Variants in METTL24 observed in about 807,000 individuals in gnomAD.
METTL24 encodes the protein probable methyltransferase-like protein 24.
In METTL24, 29 loss-of-function variants were observed where a neutral mutation model predicts 32.7. The ratio of observed to expected loss-of-function variants is 0.89; its 90% CI spans 0.66 to 1.21. The LOEUF is 1.21. Ranked by LOEUF, METTL24 falls within the 50% of genes most tolerant of loss-of-function variation. The probability of loss-of-function intolerance (pLI) is 0.00; values close to 1 mark genes in which losing one functional copy is unlikely to be tolerated. For missense variants in METTL24, 439 were observed against 468.1 expected (o/e 0.94, Z 0.57); for synonymous variants, 163 against 179.5 (o/e 0.91, Z 0.73).
rs555141109 is a variant in METTL24, at chr6:110,349,466, A to C, written c.318+8489T>G. Among the ~76,000 whole-genome samples, 344 of 152,332 alleles carry C rather than the reference A, an allele frequency of 2.3e-3. 1 individual carries two copies. The Middle Eastern group carries it at 0.027, about 12-fold the overall frequency. On this transcript the variant is annotated intron_variant, in intron 1 of 4. Coordinates refer to ENST00000338882, the MANE Select transcript of METTL24 (RefSeq NM_001123364.3). ...CCCGCAACAGATATCTGGCACAAGC[A>C]AGAAATAAACCTCTGCTAGCATGAG...
intron 1 of METTL24, among the ~76,000 whole-genome samples, chr6:110,343,950 C>A (rs760757810): frequency 6.6e-6 from 1 of 152,010 alleles, no homozygotes; most frequent in African/African-American, 2.4e-5. Flanking sequence ...AAAGGTAAGC[C>A]CCATTATTAT....
At chr6:110,309,909 C>A (rs1362450289) in intron 3 of METTL24, among the ~76,000 whole-genome samples, 1 of 152,020 alleles carries the variant, frequency 6.6e-6, no homozygotes, top group Non-Finnish European at 1.5e-5. Context: ...AAAACCCTTT[C>A]CTCTTTTTAT....
chr6:110,288,995 C>T (rs1302094986), intron 4 of METTL24, among the ~76,000 whole-genome samples: 1 of 152,150 alleles, frequency 6.6e-6, no homozygotes, highest in East Asian at 1.9e-4. Flanking sequence ...GAGTGACACA[C>T]TCTAGCAAAT....
intron 3 of METTL24, among the ~76,000 whole-genome samples, chr6:110,315,079 G>A (rs9487373): frequency 0.024 from 3,709 of 151,872 alleles, 167 homozygotes; most frequent in African/African-American, 0.085. Context: ...GTTTCACCAA[G>A]AGGTTTATCC....
At chr6:110,334,489 C>T (rs1051106116) in intron 1 of METTL24, among the ~76,000 whole-genome samples, 3 of 152,130 alleles carry the variant, frequency 2.0e-5, no homozygotes, top group Non-Finnish European at 4.4e-5. Context: ...CAAAGCCTTT[C>T]TTGGAAACCA....
intron 4 of METTL24, among the ~76,000 whole-genome samples, chr6:110,293,586 C>T (rs981038209): frequency 2.0e-5 from 3 of 151,738 alleles, no homozygotes; most frequent in African/African-American, 4.8e-5. Context: ...ATTTATACTC[C>T]TAAATTTTTT....
At chr6:110,252,070 G>A (rs1385234163) in intron 4 of METTL24, among the ~76,000 whole-genome samples, 2 of 152,146 alleles carry the variant, frequency 1.3e-5, no homozygotes, top group East Asian at 3.8e-4. Context: ...CTTGGACCTG[G>A]GGGGCAGAGG....
At chr6:110,266,422 C>T in intron 4 of METTL24, among the ~76,000 whole-genome samples, 1 of 152,076 alleles carries the variant, frequency 6.6e-6, no homozygotes, top group East Asian at 1.9e-4. Flanking sequence ...GTTAAAGTTC[C>T]CACCTAAACG....
chr6:110,341,988 C>T (rs997864466), intron 1 of METTL24, among the ~76,000 whole-genome samples: 8 of 152,280 alleles, frequency 5.3e-5, no homozygotes, highest in East Asian at 1.9e-4. Context: ...GAGGTGACAA[C>T]AGTCATCTGA....
rs778038698 is a variant in METTL24 at position 110,315,502 on chromosome 6, T to C, written c.418-21A>G. 1.1e-5 allele frequency: 18 copies of C among 1,612,220 alleles called. No individual in the cohort carries two copies. The Middle Eastern group carries it at 4.9e-4, about 44-fold the overall frequency. ...GCAATCTGTAAAGATTGGAAATCAATGTGAATAATTTGAAATGTTGGATGA... is the reference window on the plus strand; with the variant it reads ...GCAATCTGTAAAGATTGGAAATCAACGTGAATAATTTGAAATGTTGGATGA... On this transcript the variant is annotated intron_variant, in intron 2 of 4. Coordinates refer to ENST00000338882, the MANE Select transcript of METTL24 (RefSeq NM_001123364.3).
At chr6:110,352,591 A>G (rs1278559323) in intron 1 of METTL24, among the ~76,000 whole-genome samples, 2 of 130,342 alleles carry the variant, frequency 1.5e-5, no homozygotes, top group African/African-American at 5.4e-5. Flanking sequence ...AAATTTTCAT[A>G]TCTTTTTTTT....
intron 1 of METTL24, among the ~76,000 whole-genome samples, chr6:110,333,426 A>G (rs1272533425): frequency 6.6e-6 from 1 of 152,018 alleles, no homozygotes; most frequent in Non-Finnish European, 1.5e-5. Flanking sequence ...TTTTATTGGC[A>G]TATTTTTCAC....
At chr6:110,289,372 A>C (rs539978743) in intron 4 of METTL24, among the ~76,000 whole-genome samples, 5 of 152,342 alleles carry the variant, frequency 3.3e-5, no homozygotes, top group African/African-American at 1.2e-4. Context: ...CAGCTTTCAC[A>C]AACATGCAAG....
At chr6:110,334,586 C>T (rs1459412837) in intron 1 of METTL24, among the ~76,000 whole-genome samples, 2 of 152,148 alleles carry the variant, frequency 1.3e-5, no homozygotes, top group African/African-American at 2.4e-5. Flanking sequence ...CACGAGTAGA[C>T]AGGCCCAGGG....
chr6:110,354,164 G>T (rs1054666551), intron 1 of METTL24, among the ~76,000 whole-genome samples: 1 of 152,172 alleles, frequency 6.6e-6, no homozygotes, highest in African/African-American at 2.4e-5. Context: ...ATTTTGCAAA[G>T]CTTGAAGATT....
chr6:110,304,350 G>C (rs746735514), intron 3 of METTL24, among the ~76,000 whole-genome samples: 1 of 152,156 alleles, frequency 6.6e-6, no homozygotes, highest in Non-Finnish European at 1.5e-5. Flanking sequence ...GCTTCAGAAG[G>C]TGGGTAATAA....
intron 4 of METTL24, among the ~76,000 whole-genome samples, chr6:110,278,946 C>A (rs1213106805): frequency 6.6e-6 from 1 of 152,090 alleles, no homozygotes. Context: ...CGCTTCAGCC[C>A]AGGAGGTGAA....
intron 4 of METTL24, among the ~76,000 whole-genome samples, chr6:110,255,258 T>A (rs1204498652): frequency 6.6e-6 from 1 of 152,146 alleles, no homozygotes; most frequent in Non-Finnish European, 1.5e-5. Context: ...GAGGAAAACA[T>A]TTACAAGCAA....
intron 4 of METTL24, among the ~76,000 whole-genome samples, chr6:110,261,426 T>C (rs79064574): frequency 6.6e-6 from 1 of 152,188 alleles, no homozygotes; most frequent in Non-Finnish European, 1.5e-5. Context: ...CTATCATAAA[T>C]ATATATGCAC....
Sources: gnomAD v4.1 joint callset for allele counts (sites outside exome capture counted in the v4.1 genomes callset) on GRCh38, gnomAD v4.1.1 for gene constraint, MANE v1.5 for transcripts, NCBI Gene and HGNC (gene_info 2026-07-23, HGNC 2026-07-21) for gene names.